Variants in PDXDC1 observed in about 807,000 individuals in gnomAD.
PDXDC1 encodes the protein pyridoxal dependent decarboxylase domain containing 1.
In PDXDC1, 42 loss-of-function variants were observed where a neutral mutation model predicts 100.1. The observed-to-expected ratio is 0.42, with a 90% confidence interval of 0.33 to 0.54. The LOEUF is 0.54. Ranked by LOEUF, PDXDC1 falls within the 20% of genes least tolerant of loss-of-function variation. The pLI is 0.10. For synonymous variants in PDXDC1, 260 were observed against 371.7 expected (o/e 0.70, Z 3.46); for missense variants, 636 against 979.2 (o/e 0.65, Z 4.68).
At chr16:15,064,709 G>T (rs914701362) in intron 16 of PDXDC1, among the ~76,000 whole-genome samples, 5 of 152,210 alleles carry the variant, frequency 3.3e-5, no homozygotes, top group African/African-American at 1.2e-4. Context: ...CCCACTCTGG[G>T]GTGCCTGCGC....
At chr16:14,999,712 T>G (rs1223258091) in intron 3 of PDXDC1, among the ~76,000 whole-genome samples, 7 of 152,250 alleles carry the variant, frequency 4.6e-5, no homozygotes, top group African/African-American at 1.7e-4. Flanking sequence ...GTCAAATTAC[T>G]TATTTTTTGG....
rs75373663 is a variant in PDXDC1 at position 15,055,383 on chromosome 16, G to T, written c.1399+25327G>T. 1.0e-2 allele frequency among the ~76,000 whole-genome samples: 1,523 copies of T among 152,362 alleles called. 13 individuals carry two copies. The highest frequency in any genetic ancestry group is 0.016 in the Non-Finnish European group (1,065 of 68,042). ...TAACTCGGCGCCCTACGCCCCGGGG[G>T]TAGGGGAGAGAGAGGAGGAAGGACT... On this transcript the variant is annotated intron_variant, in intron 16 of 16. Coordinates refer to the PDXDC1 transcript ENST00000535621.
In PDXDC1 at chr16:15,131,076, G is replaced by A. The variant is rs548566155; in HGVS notation, c.1400-7803G>A. 2.4e-5 allele frequency: 38 copies of A among 1,603,762 alleles called. No homozygotes were observed. In the Middle Eastern group the frequency reaches 9.0e-4, roughly 38 times the overall value. ...CCAGGGGGCCGCGTGTGCCTCACCC[G>A]CTGCACGCACCGTCCAGCAGCGTAT... On this transcript the variant is annotated intron_variant, in intron 16 of 16. Transcript: ENST00000535621.
chr16:15,013,465 T>A (rs2041512016), intron 8 of PDXDC1, among the ~76,000 whole-genome samples: 1 of 152,188 alleles, frequency 6.6e-6, no homozygotes, highest in East Asian at 1.9e-4. Flanking sequence ...GTTGATGGGA[T>A]TTGGGGGTTG....
At chr16:15,146,635 C>T in the PDXDC1 span, among the ~76,000 whole-genome samples, 1 of 152,122 alleles carries the variant, frequency 6.6e-6, no homozygotes, top group African/African-American at 2.4e-5. Context: ...CATAAGAGTC[C>T]ACCCGCCCAG....
At chr16:14,991,552 G>A (rs1212337421) in intron 1 of PDXDC1, among the ~76,000 whole-genome samples, 1 of 147,478 alleles carries the variant, frequency 6.8e-6, no homozygotes, top group Non-Finnish European at 1.5e-5. Flanking sequence ...TTGGTGACAG[G>A]TTGTTGCTCT....
At chr16:15,146,076 C>G in the PDXDC1 span, among the ~76,000 whole-genome samples, 1 of 152,170 alleles carries the variant, frequency 6.6e-6, no homozygotes, top group Non-Finnish European at 1.5e-5. Flanking sequence ...GAGGGGCTTG[C>G]AGATGCGGGA....
intron 16 of PDXDC1, chr16:15,094,145 C>A: frequency 6.3e-7 from 1 of 1,595,720 alleles, no homozygotes; most frequent in African/African-American, 1.3e-5. Context: ...TGAATCTTAC[C>A]CAGTCCTCGA....
chr16:15,083,140 TCACTAATCCCAG>T (rs1358054542), intron 16 of PDXDC1, among the ~76,000 whole-genome samples: 1 of 152,154 alleles, frequency 6.6e-6, no homozygotes, highest in Non-Finnish European at 1.5e-5. Context: ...GCACAGTGGT[TCACTAATCCCAG>T]CACTTTGGGA....
chr16:15,111,157 A>ACAC (rs1567267042), intron 16 of PDXDC1, among the ~76,000 whole-genome samples: 2 of 144,544 alleles, frequency 1.4e-5, no homozygotes, highest in Admixed American at 7.0e-5. Context: ...CACACACACA[A>ACAC]AACACACAAG....
intron 16 of PDXDC1, chr16:15,068,169 T>A (rs2045059677): frequency 6.4e-7 from 1 of 1,565,844 alleles, no homozygotes; most frequent in Non-Finnish European, 8.7e-7. Flanking sequence ...AATAACTTAC[T>A]TTGTGATTGC....
chr16:15,080,372 A>G (rs1436080742), intron 16 of PDXDC1, among the ~76,000 whole-genome samples: 2 of 152,212 alleles, frequency 1.3e-5, no homozygotes, highest in African/African-American at 4.8e-5. Context: ...CACCAACTTA[A>G]AGTATACAAT....
At position 15,104,650 on chromosome 16, in the gene PDXDC1, T is replaced by C. The variant is rs548020334; in HGVS notation, c.1400-34229T>C. On this transcript the variant is annotated intron_variant, in intron 16 of 16. Coordinates refer to the PDXDC1 transcript ENST00000535621. ...TTATCAGTTATAGAATGTTGTTGAG[T>C]TGGAGGAGGTGGCTGGTGGCCCATC... 1,187 of 1,597,920 alleles carry C rather than the reference T, an allele frequency of 7.4e-4. 23 individuals carry two copies. The South Asian group carries it at 0.012, about 17-fold the overall frequency.
chr16:15,135,768 G>T lies in PDXDC1; in HGVS notation c.1400-3111G>T. On this transcript the variant is annotated intron_variant, in intron 16 of 16. Coordinates refer to the PDXDC1 transcript ENST00000535621. ...AGGTCCTGTGTGTCTGACCACACGC[G>T]GTATGAGCCACCCTCAGTGATGGGC... 8 of 1,595,920 alleles carry T rather than the reference G, an allele frequency of 5.0e-6. No individual in the cohort carries two copies. In the South Asian group the frequency reaches 8.8e-5, roughly 18 times the overall value.
the PDXDC1 span, among the ~76,000 whole-genome samples, chr16:15,149,926 G>A: frequency 1.3e-5 from 2 of 152,186 alleles, no homozygotes; most frequent in Non-Finnish European, 2.9e-5. Context: ...CACACTCACA[G>A]CACCACGGAG....
At chr16:15,073,923 A>G (rs922236650) in intron 16 of PDXDC1, among the ~76,000 whole-genome samples, 1 of 152,188 alleles carries the variant, frequency 6.6e-6, no homozygotes, top group Non-Finnish European at 1.5e-5. Context: ...AGGCAATGAT[A>G]TGAGAAAATG....
intron 19 of PDXDC1, among the ~76,000 whole-genome samples, chr16:15,033,769 G>A (rs1030999600): frequency 2.5e-4 from 38 of 152,198 alleles, no homozygotes; most frequent in African/African-American, 8.9e-4. Context: ...GCTGTTGTAT[G>A]TGTGGTTCCC....
the PDXDC1 span, among the ~76,000 whole-genome samples, chr16:15,150,010 T>C: frequency 2.6e-5 from 4 of 151,562 alleles, no homozygotes; most frequent in South Asian, 2.1e-4. Flanking sequence ...CTTCAACAAA[T>C]TGCACAAGGA....
At chr16:15,003,026 G>A (rs1361892728) in intron 4 of PDXDC1, among the ~76,000 whole-genome samples, 1 of 152,248 alleles carries the variant, frequency 6.6e-6, no homozygotes, top group Non-Finnish European at 1.5e-5. Context: ...ATTATTCACA[G>A]TTAACAATTG....
Sources: gnomAD v4.1 joint callset for allele counts (sites outside exome capture counted in the v4.1 genomes callset) on GRCh38, gnomAD v4.1.1 for gene constraint, MANE v1.5 for transcripts, NCBI Gene and HGNC (gene_info 2026-07-23, HGNC 2026-07-21) for gene names.